The following STX5 variants were observed in gnomAD, a reference collection of about 807,000 sequenced individuals.
STX5 encodes syntaxin 5.
STX5 carries 15 observed loss-of-function variants against 42.9 expected under a neutral mutation model. The ratio of observed to expected loss-of-function variants is 0.35; its 90% CI spans 0.23 to 0.54. The LOEUF is 0.54. Ranked by LOEUF, STX5 falls within the 20% of genes least tolerant of loss-of-function variation. The pLI is 0.91. For missense variants in STX5, 430 were observed against 455.0 expected (o/e 0.95, Z 0.50); for synonymous variants, 184 against 173.2 (o/e 1.06, Z -0.49).
chr11:62,827,086 T>A, intron 5 of STX5, 69 bp downstream of exon 5: 2 of 1,486,244 alleles, frequency 1.3e-6, no homozygotes. Context: ...CCCATGGCAA[T>A]GGAAAATGAC....
At chr11:62,828,576 T>A (rs937313009) in intron 2 of STX5, among the ~76,000 whole-genome samples, 8 of 150,552 alleles carry the variant, frequency 5.3e-5, no homozygotes, top group African/African-American at 2.0e-4. Context: ...AATACAAAAA[T>A]TTAGCCAGGT....
chr11:62,814,271 T>C (rs1199242068), intron 10 of STX5, among the ~76,000 whole-genome samples: 1 of 152,148 alleles, frequency 6.6e-6, no homozygotes, highest in Admixed American at 6.5e-5. Flanking sequence ...GTTCAAGTGA[T>C]TTTAGTGCCT....
chr11:62,830,064 C>CAAAA (rs764798047), intron 2 of STX5, among the ~76,000 whole-genome samples: 1 of 53,240 alleles, frequency 1.9e-5, no homozygotes, highest in African/African-American at 4.7e-5. Context: ...AATTCCTTCT[C>CAAAA]AAAAAAAAAA....
At chr11:62,817,996 G>T (rs750872326) in intron 10 of STX5, among the ~76,000 whole-genome samples, 1 of 151,990 alleles carries the variant, frequency 6.6e-6, no homozygotes, top group Non-Finnish European at 1.5e-5. Context: ...CAGAGGCTGG[G>T]TGTGGTGGCT....
chr11:62,824,864 G>A (rs1420050398), intron 8 of STX5, among the ~76,000 whole-genome samples, 172 bp downstream of exon 8: 1 of 152,236 alleles, frequency 6.6e-6, no homozygotes, highest in Admixed American at 6.5e-5. Flanking sequence ...GAATGTGGGA[G>A]TCTAAATGTG....
At chr11:62,818,862 A>C (rs1485860754) in intron 10 of STX5, among the ~76,000 whole-genome samples, 1 of 150,890 alleles carries the variant, frequency 6.6e-6, no homozygotes, top group East Asian at 2.0e-4. Context: ...ATAAATAAAA[A>C]GTTAAAAAAA....
intron 10 of STX5, among the ~76,000 whole-genome samples, chr11:62,814,480 T>TCG (rs2084651346): frequency 6.6e-6 from 1 of 150,498 alleles, no homozygotes; most frequent in Non-Finnish European, 1.5e-5. Context: ...TTTTTTTTTT[T>TCG]AGATAAGAGT....
chr11:62,816,202 C>G (rs1047020034), intron 10 of STX5: 1 of 152,158 alleles, frequency 6.6e-6, no homozygotes, highest in South Asian at 2.1e-4. Flanking sequence ...ATCTGGCCAA[C>G]TGTTAACTGT....
intron 10 of STX5, among the ~76,000 whole-genome samples, chr11:62,811,415 G>A (rs2084615467): frequency 1.3e-5 from 2 of 152,116 alleles, no homozygotes; most frequent in South Asian, 4.1e-4. Flanking sequence ...TTCTTGCTGT[G>A]ACACACAGGT....
chr11:62,831,548 A>G (rs1200860855), intron 1 of STX5, among the ~76,000 whole-genome samples: 1 of 151,958 alleles, frequency 6.6e-6, no homozygotes, highest in Non-Finnish European at 1.5e-5. Context: ...CGTGGTCCTG[A>G]GACTCCGGCC....
intron 10 of STX5, among the ~76,000 whole-genome samples, chr11:62,810,737 G>A (rs536176753): frequency 6.6e-6 from 1 of 152,228 alleles, no homozygotes; most frequent in Admixed American, 6.5e-5. Flanking sequence ...GTGGTTTCTA[G>A]AGCAAGTGCT....
intron 10 of STX5, among the ~76,000 whole-genome samples, chr11:62,820,161 G>C (rs2084723905): frequency 4.0e-5 from 6 of 151,396 alleles, no homozygotes; most frequent in Admixed American, 3.9e-4. Flanking sequence ...ACAAGGTCAG[G>C]AGATCGAGAC....
rs578089401 is a variant in STX5, at chr11:62,819,859, A to ATT, written c.908+4305_908+4306dup. 3.3e-3 allele frequency among the ~76,000 whole-genome samples: 450 copies of ATT among 135,760 alleles called. 2 individuals carry two copies. The highest frequency in any genetic ancestry group is 0.01 in the African/African-American group (388 of 37,290). 89.1% of individuals were successfully genotyped at this position (135,760 alleles called of 152,430 possible). A position where few individuals can be genotyped will look rare whatever the true frequency, so the allele number is the denominator to read the frequency against. On this transcript the variant is annotated intron_variant, in intron 10 of 10. Transcript: ENST00000294179. ...CAGGCATGTGTCACCATGCCCAGCT[A>ATT]TTTTTTTTTTTTTTGTATTTTTAGT...
chr11:62,830,895 C>T, intron 2 of STX5, 124 bp downstream of exon 2: 1 of 916,332 alleles, frequency 1.1e-6, no homozygotes, highest in Non-Finnish European at 1.8e-6. Flanking sequence ...CCTACAGGCC[C>T]CATCCAAGCC....
chr11:62,809,035 T>G (rs1045196795), intron 10 of STX5, among the ~76,000 whole-genome samples: 7 of 152,184 alleles, frequency 4.6e-5, no homozygotes, highest in Non-Finnish European at 8.8e-5. Flanking sequence ...ACACCTGTAA[T>G]CCCAGCACTT....
chr11:62,827,846 T>G (rs563430223), intron 2 of STX5, among the ~76,000 whole-genome samples: 1 of 152,168 alleles, frequency 6.6e-6, no homozygotes, highest in South Asian at 2.1e-4. Context: ...GCTGGTGGAT[T>G]TGGGGCGAGT....
At chr11:62,821,100 GA>G (rs2084735539) in intron 10 of STX5, among the ~76,000 whole-genome samples, 2 of 151,452 alleles carry the variant, frequency 1.3e-5, no homozygotes, top group Non-Finnish European at 2.9e-5. Context: ...ACAAGGTCAA[GA>G]AATCGAGACC....
At chr11:62,817,883 A>C (rs955041369) in intron 10 of STX5, among the ~76,000 whole-genome samples, 3 of 152,192 alleles carry the variant, frequency 2.0e-5, no homozygotes, top group Non-Finnish European at 4.4e-5. Flanking sequence ...ATATATGTAT[A>C]TATTTCCAGA....
At position 62,824,543 on chromosome 11, in the gene STX5, C is replaced by T. The variant is rs772081211; in HGVS notation, c.702G>A (p.Gly234=). ...NHLGGGAVVL[G]AESHASKDVA... ...CATCCTTGGAGGCATGGGACTCTGC[C>T]CCCAGAACCACAGCACCACCGCCTG... Residue 234 remains glycine, a synonymous_variant, in exon 9 of 11, where the codon GGG becomes GGA. Coordinates refer to ENST00000294179, the MANE Select transcript of STX5 (RefSeq NM_003164.5). The T allele has an allele frequency of 1.9e-6, 3 of 1,613,916 alleles. No homozygotes were observed. The African/African-American group carries it at 4.0e-5, about 22-fold the overall frequency.
Sources: gnomAD v4.1 joint callset for allele counts (sites outside exome capture counted in the v4.1 genomes callset) on GRCh38, gnomAD v4.1.1 for gene constraint, MANE v1.5 for transcripts, NCBI Gene and HGNC (gene_info 2026-07-23, HGNC 2026-07-21) for gene names.